Variants in SFMBT2 observed in about 807,000 individuals in gnomAD.
SFMBT2 encodes Scm like with four mbt domains 2, also known as scm-like with four MBT domains protein 2.
Under a neutral mutation model 110.1 loss-of-function variants are expected in SFMBT2, and 38 were observed. The observed-to-expected ratio is 0.35, with a 90% CI of 0.27 to 0.45. SFMBT2 has a LOEUF of 0.45. Ranked by LOEUF, SFMBT2 falls within the 20% of genes least tolerant of loss-of-function variation. SFMBT2 has a pLI of 1.00. For missense variants in SFMBT2, 1,011 were observed against 1,094.9 expected (o/e 0.92, Z 1.08); for synonymous variants, 425 against 425.4 (o/e 1.00, Z 0.01).
At position 7,227,766 on chromosome 10, in the gene SFMBT2, C is replaced by A. The variant is rs996275645; in HGVS notation, c.1203+89G>T. The A allele has an allele frequency of 2.5e-5, 28 of 1,108,794 alleles. No individual in the cohort carries two copies. The African/African-American group carries it at 3.8e-4, about 15-fold the overall frequency. The allele number at this position is 1,108,794 out of a possible 1,614,324, so 68.7% of individuals were successfully genotyped here. ...CTCCAGTGCACTGTAATACTCCAAC[C>A]GTGCTTCATCAATAAAAAGCAAGTT... On this transcript the variant is annotated intron_variant, in intron 10 of 20. Transcript: ENST00000397167.
intron 2 of SFMBT2, among the ~76,000 whole-genome samples, chr10:7,373,451 T>G (rs888602324): frequency 8.5e-5 from 13 of 152,154 alleles, no homozygotes; most frequent in Non-Finnish European, 1.6e-4. Context: ...AGGTATTGCC[T>G]CACAATCCTC....
In SFMBT2 at chr10:7,293,580, C is replaced by G. The variant is rs749501578; in HGVS notation, c.437-7626G>C. 6.6e-6 allele frequency among the ~76,000 whole-genome samples: 1 copy of G among 152,134 alleles called. No individual in the cohort carries two copies. The stretch of plus-strand genomic sequence containing the variant: ...ATACCAAGGGCAAGCTCCACTGGCC[C>G]TCATAGTCGTTAAGATCATTAAGAT... On this transcript the variant is annotated intron_variant, in intron 4 of 20. Coordinates refer to ENST00000397167, the MANE Select transcript of SFMBT2 (RefSeq NM_001387889.1). This position sits in a 1 kb window ranked among gnomAD's most constrained non-coding sequence, Gnocchi z 4.6.
At position 7,381,961 on chromosome 10, in the gene SFMBT2, C is replaced by CA. The variant is rs377470464; in HGVS notation, c.-51-13dup. On this transcript the variant is annotated splice_polypyrimidine_tract_variant and intron_variant, in intron 1 of 20. Coordinates refer to ENST00000397167, the MANE Select transcript of SFMBT2 (RefSeq NM_001387889.1). ...GCAGAAAAAATTACCTAAGAGCAAT[C>CA]AAAAAAAAAAAAATCAGAGCAGTTT... is the stretch of plus-strand genomic sequence containing the variant. The CA allele has an allele frequency of 0.076, 73,297 of 968,612 alleles. 207 individuals are homozygous for CA. The highest frequency in any genetic ancestry group is 0.13 in the African/African-American group (7,232 of 56,268). 60.0% of individuals were successfully genotyped at this position (968,612 alleles called of 1,614,324 possible).
intron 4 of SFMBT2, among the ~76,000 whole-genome samples, chr10:7,308,014 C>A (rs1490672493): frequency 6.6e-6 from 1 of 152,100 alleles, no homozygotes; most frequent in Non-Finnish European, 1.5e-5. Context: ...ATTCTCAAAG[C>A]CACATAACTT....
At chr10:7,384,420 A>G (rs1845526781) in intron 1 of SFMBT2, among the ~76,000 whole-genome samples, 1 of 152,072 alleles carries the variant, frequency 6.6e-6, no homozygotes, top group Non-Finnish European at 1.5e-5. Flanking sequence ...AAACGACCTG[A>G]ACCAAAATAC....
rs539788310 is a variant in SFMBT2, at chr10:7,179,402, A to C, written c.1809-3237T>G. Among the ~76,000 whole-genome samples, 433 of 151,066 alleles carry C rather than the reference A, an allele frequency of 2.9e-3. 2 individuals are homozygous for C. In the Middle Eastern group the frequency reaches 0.031, roughly 11 times the overall value. ...TTTGTTGCATTTTCGAAAAAAAAAA[A>C]AAAAAAAAAAAAAACAAAAGAAACA... On this transcript the variant is annotated intron_variant, in intron 16 of 20. Transcript: ENST00000397167.
intron 7 of SFMBT2, among the ~76,000 whole-genome samples, chr10:7,273,111 T>G (rs541287517): frequency 6.6e-6 from 1 of 152,200 alleles, no homozygotes; most frequent in Non-Finnish European, 1.5e-5. Flanking sequence ...CCTCTGATTC[T>G]TGAGACAAAT....
At chr10:7,308,952 C>A (rs1424218364) in intron 4 of SFMBT2, among the ~76,000 whole-genome samples, 1 of 152,138 alleles carries the variant, frequency 6.6e-6, no homozygotes, top group African/African-American at 2.4e-5. Flanking sequence ...AATGGATATC[C>A]AAATGGCTAG....
intron 20 of SFMBT2, among the ~76,000 whole-genome samples, chr10:7,166,857 C>T (rs988684694): frequency 7.9e-5 from 12 of 152,144 alleles, no homozygotes; most frequent in Admixed American, 6.5e-5. Flanking sequence ...CCCAGAAAGC[C>T]ACTTTATCTG....
intron 7 of SFMBT2, among the ~76,000 whole-genome samples, chr10:7,261,488 G>C (rs1423303229): frequency 1.3e-5 from 2 of 152,196 alleles, no homozygotes; most frequent in Non-Finnish European, 2.9e-5. Flanking sequence ...GCATGAATCA[G>C]TACAGACTCA....
intron 11 of SFMBT2, among the ~76,000 whole-genome samples, chr10:7,209,855 C>G (rs936432049): frequency 5.3e-5 from 8 of 152,272 alleles, no homozygotes; most frequent in African/African-American, 1.9e-4. Flanking sequence ...ATTTTGCAAC[C>G]AAGGCCTCCA....
chr10:7,169,999 T>C (rs1837822901), intron 20 of SFMBT2, among the ~76,000 whole-genome samples: 1 of 152,168 alleles, frequency 6.6e-6, no homozygotes, highest in African/African-American at 2.4e-5. Context: ...AAAGCAGCAT[T>C]CAGTACGACA....
chr10:7,362,484 C>A (rs565289814), intron 4 of SFMBT2, among the ~76,000 whole-genome samples: 56 of 152,298 alleles, frequency 3.7e-4, no homozygotes, highest in African/African-American at 1.2e-3. Flanking sequence ...ATAATAAAAC[C>A]ACTTTCTTTC....
chr10:7,180,418 C>T (rs561217750), intron 16 of SFMBT2, among the ~76,000 whole-genome samples: 7 of 151,902 alleles, frequency 4.6e-5, no homozygotes, highest in South Asian at 4.2e-4. Flanking sequence ...GGATTACAGG[C>T]GTGAGTCACT....
chr10:7,176,398 C>T (rs1838055312), intron 16 of SFMBT2: 3 of 839,630 alleles, frequency 3.6e-6, no homozygotes, highest in Non-Finnish European at 4.3e-6. Context: ...CCATAAACAC[C>T]CCCACATGTA....
intron 2 of SFMBT2, among the ~76,000 whole-genome samples, chr10:7,376,716 AGGCCCTCCCAC>A (rs1220453820): frequency 1.5e-5 from 2 of 132,972 alleles, no homozygotes; most frequent in East Asian, 2.2e-4. Context: ...AAAAAAAAAA[AGGCCCTCCCAC>A]AAAAAAAAAA....
intron 1 of SFMBT2, among the ~76,000 whole-genome samples, chr10:7,406,009 T>C (rs1006682378): frequency 5.3e-5 from 8 of 151,746 alleles, no homozygotes; most frequent in Admixed American, 3.3e-4. Context: ...AACATAGATA[T>C]AAGAATGGTT....
chr10:7,263,871 C>G (rs1340428271), intron 7 of SFMBT2, among the ~76,000 whole-genome samples: 1 of 152,194 alleles, frequency 6.6e-6, no homozygotes, highest in Non-Finnish European at 1.5e-5. Flanking sequence ...GAAAGAAAAG[C>G]TTCTCTCTCT....
At position 7,170,851 on chromosome 10, in the gene SFMBT2, G is replaced by T; in HGVS notation, c.2544+77C>A. 1 of 1,581,592 alleles carries T rather than the reference G, an allele frequency of 6.3e-7. No individual in the cohort carries two copies. The highest frequency in any genetic ancestry group is 8.7e-7 in the Non-Finnish European group (1 of 1,155,666). ...ACCCCCTCGCAGGTGTCACGAGGAA[G>T]CCGGCTAGGACACGAGGTTCATTTC... On this transcript the variant is annotated intron_variant, in intron 20 of 20. Transcript: ENST00000397167. The surrounding 1 kb of genome is among the most constrained non-coding windows in gnomAD (Gnocchi z 4.6).
Sources: gnomAD v4.1 joint callset for allele counts (sites outside exome capture counted in the v4.1 genomes callset) on GRCh38, gnomAD v4.1.1 for gene constraint, Gnocchi (gnomAD v3.1) non-coding constraint, MANE v1.5 for transcripts, NCBI Gene and HGNC (gene_info 2026-07-23, HGNC 2026-07-21) for gene names.